The following CDH13 variants were observed in gnomAD, a reference collection of about 807,000 sequenced individuals.
The protein encoded by CDH13 is cadherin-13.
In CDH13, 24 loss-of-function variants were observed where a neutral mutation model predicts 63.8. The ratio of observed to expected loss-of-function variants is 0.38; its 90% confidence interval spans 0.27 to 0.53. CDH13 has a LOEUF of 0.53. Among genes scored for constraint, CDH13 ranks in the 20% least tolerant of loss-of-function variants. The pLI is 0.85. For missense variants in CDH13, 1,049 were observed against 903.1 expected (o/e 1.16, Z -2.07); for synonymous variants, 503 against 355.3 (o/e 1.42, Z -4.67).
intron 7 of CDH13, among the ~76,000 whole-genome samples, chr16:83,547,220 C>T (rs899800908): frequency 3.3e-5 from 5 of 152,190 alleles, no homozygotes; most frequent in Admixed American, 1.3e-4. Flanking sequence ...GCAAACAGGG[C>T]TTCAAGAGTA....
At chr16:82,864,822 G>T (rs942024488) in intron 2 of CDH13, among the ~76,000 whole-genome samples, 4 of 152,034 alleles carry the variant, frequency 2.6e-5, no homozygotes, top group African/African-American at 7.3e-5. Flanking sequence ...TTAACCCAAA[G>T]GTCCAAGTCC....
intron 7 of CDH13, among the ~76,000 whole-genome samples, chr16:83,490,105 C>T (rs1351436164): frequency 2.0e-5 from 3 of 151,876 alleles, no homozygotes; most frequent in Non-Finnish European, 2.9e-5. Flanking sequence ...ACGTGTGTTT[C>T]CTGGCTTGTT....
At chr16:83,014,892 ATATATGTATATT>A (rs1914607401) in intron 2 of CDH13, among the ~76,000 whole-genome samples, 1 of 144,150 alleles carries the variant, frequency 6.9e-6, no homozygotes, top group African/African-American at 2.6e-5. Context: ...TTGTGTATAT[ATATATGTATATT>A]TACATTTACT....
At chr16:83,117,869 C>T (rs1448208820) in intron 3 of CDH13, among the ~76,000 whole-genome samples, 2 of 151,988 alleles carry the variant, frequency 1.3e-5, no homozygotes, top group Non-Finnish European at 2.9e-5. Flanking sequence ...GTGGTGCTTC[C>T]AGACAGCGTG....
intron 3 of CDH13, among the ~76,000 whole-genome samples, chr16:83,103,759 G>C (rs1241473174): frequency 6.6e-6 from 1 of 152,142 alleles, no homozygotes; most frequent in Non-Finnish European, 1.5e-5. Flanking sequence ...TGTATCAAAG[G>C]GGGAAAATGT....
In CDH13 at chr16:83,358,153, C is replaced by T. The variant is rs2091093401; in HGVS notation, c.781+13147C>T. On this transcript the variant is annotated intron_variant, in intron 6 of 13. Coordinates refer to ENST00000567109, the MANE Select transcript of CDH13 (RefSeq NM_001257.5). ...TTAGCAGCAGGTGTCCGTATGAAGA[C>T]TGTATTGCTCAGCCTCCCTGGCAGC... Among the ~76,000 whole-genome samples the T allele has an allele frequency of 1.3e-5, 2 of 152,142 alleles. 1 individual carries two copies. The highest frequency in any genetic ancestry group is 2.9e-5 in the Non-Finnish European group (2 of 68,018).
rs746617919 is a variant in CDH13, at chr16:82,935,820, G to A, written c.157+77347G>A. On this transcript the variant is annotated intron_variant, in intron 2 of 13. Transcript: ENST00000567109. Reference sequence around the variant, plus strand: ...GAAAATTTAGGTCATGGACACACACGAGGAGTTTAGGAGTGGAGGTTTAAC... The same window carrying A: ...GAAAATTTAGGTCATGGACACACACAAGGAGTTTAGGAGTGGAGGTTTAAC... 7.2e-5 allele frequency among the ~76,000 whole-genome samples: 11 copies of A among 152,276 alleles called. 1 individual carries two copies. The South Asian group carries it at 1.2e-3, about 17-fold the overall frequency.
intron 3 of CDH13, among the ~76,000 whole-genome samples, chr16:83,062,988 A>G (rs867122539): frequency 1.4e-5 from 2 of 139,054 alleles, no homozygotes; most frequent in Non-Finnish European, 1.5e-5. Flanking sequence ...TTTGAGTCAG[A>G]GTATTGCTCT....
chr16:83,250,202 G>A (rs1905357565), intron 5 of CDH13, among the ~76,000 whole-genome samples: 1 of 152,070 alleles, frequency 6.6e-6, no homozygotes, highest in Non-Finnish European at 1.5e-5. Flanking sequence ...TATTCAGATT[G>A]CCACTATCAG....
intron 1 of CDH13, among the ~76,000 whole-genome samples, chr16:82,733,422 A>G (rs2033505112): frequency 6.6e-6 from 1 of 152,216 alleles, no homozygotes; most frequent in Admixed American, 6.5e-5. Flanking sequence ...TTTTGTTTAA[A>G]GGCATATGAC....
chr16:83,734,933 A>G (rs1911395980), intron 10 of CDH13, among the ~76,000 whole-genome samples: 1 of 151,108 alleles, frequency 6.6e-6, no homozygotes, highest in Admixed American at 6.6e-5. Context: ...TGAGAAAGGA[A>G]CTCAGATAAG....
intron 6 of CDH13, among the ~76,000 whole-genome samples, chr16:83,420,724 G>A (rs1303906876): frequency 6.6e-6 from 1 of 152,210 alleles, no homozygotes; most frequent in Non-Finnish European, 1.5e-5. Context: ...GGGGAACAGA[G>A]AAGTCCATAG....
At chr16:82,647,961 A>G (rs1383222083) in intron 1 of CDH13, among the ~76,000 whole-genome samples, 1 of 152,216 alleles carries the variant, frequency 6.6e-6, no homozygotes. Flanking sequence ...TGCCGTTTTC[A>G]TGGTAGTGAA....
chr16:83,621,963 G>C (rs1909859214), intron 8 of CDH13, among the ~76,000 whole-genome samples: 1 of 152,316 alleles, frequency 6.6e-6, no homozygotes, highest in African/African-American at 2.4e-5. Flanking sequence ...AATAGCCAGT[G>C]AAGTTGATTA....
At chr16:82,634,945 C>T (rs977505097) in intron 1 of CDH13, among the ~76,000 whole-genome samples, 2 of 152,226 alleles carry the variant, frequency 1.3e-5, no homozygotes, top group Non-Finnish European at 2.9e-5. Flanking sequence ...TACAGTTGCT[C>T]ATAAGGCAGA....
chr16:83,213,205 G>C (rs1036327685), intron 4 of CDH13, among the ~76,000 whole-genome samples: 6 of 152,168 alleles, frequency 3.9e-5, no homozygotes, highest in Admixed American at 6.5e-5. Flanking sequence ...AACTCAGCTA[G>C]GTCCTGCCTC....
At chr16:83,323,307 C>CT in intron 5 of CDH13, among the ~76,000 whole-genome samples, 2 of 139,736 alleles carry the variant, frequency 1.4e-5, no homozygotes, top group African/African-American at 2.7e-5. Context: ...GGGAGTTTCG[C>CT]TTTTTTTGCC....
chr16:83,309,457 C>A (rs190475498), intron 5 of CDH13, among the ~76,000 whole-genome samples: 1 of 152,208 alleles, frequency 6.6e-6, no homozygotes, highest in East Asian at 1.9e-4. Context: ...CTCACTGCAA[C>A]CTTCTGCCTC....
chr16:82,897,979 A>G (rs2041326953), intron 2 of CDH13, among the ~76,000 whole-genome samples: 1 of 152,248 alleles, frequency 6.6e-6, no homozygotes, highest in Non-Finnish European at 1.5e-5. Context: ...CGTCCAATAC[A>G]GTAAGCCACG....
Sources: gnomAD v4.1 joint callset for allele counts (sites outside exome capture counted in the v4.1 genomes callset) on GRCh38, gnomAD v4.1.1 for gene constraint, MANE v1.5 for transcripts, NCBI Gene and HGNC (gene_info 2026-07-23, HGNC 2026-07-21) for gene names.